FRMD4B: variants seen among roughly 807,000 people sequenced by gnomAD.
FRMD4B encodes FERM domain containing 4B, also known as FERM domain-containing protein 4B.
FRMD4B carries 74 observed loss-of-function variants against 141.5 expected under a neutral mutation model. The observed-to-expected ratio is 0.52, with a 90% confidence interval of 0.43 to 0.63. FRMD4B has a LOEUF of 0.63. Among genes scored for constraint, FRMD4B ranks in the 30% least tolerant of loss-of-function variants. FRMD4B has a pLI of 0.00. For synonymous variants in FRMD4B, 506 were observed against 467.9 expected (o/e 1.08, Z -1.05); for missense variants, 1,366 against 1,253.4 (o/e 1.09, Z -1.36).
At chr3:69,302,696 C>T (rs1443587504) in intron 3 of FRMD4B, among the ~76,000 whole-genome samples, 1 of 152,174 alleles carries the variant, frequency 6.6e-6, no homozygotes, top group Non-Finnish European at 1.5e-5. Flanking sequence ...TATGAAATCA[C>T]TCACTGTAGC....
chr3:69,499,814 T>C (rs1373334021), intron 1 of FRMD4B, among the ~76,000 whole-genome samples: 2 of 152,144 alleles, frequency 1.3e-5, no homozygotes, highest in African/African-American at 4.8e-5. Flanking sequence ...CAGCCAATGA[T>C]AGAGTGTGTT....
chr3:69,330,793 G>A (rs1026794661), intron 1 of FRMD4B, among the ~76,000 whole-genome samples: 5 of 152,108 alleles, frequency 3.3e-5, no homozygotes, highest in African/African-American at 9.7e-5. Flanking sequence ...CACCACGCCC[G>A]GCCTCTTTTG....
At chr3:69,179,215 C>T (rs1394501943) in intron 21 of FRMD4B, among the ~76,000 whole-genome samples, 3 of 152,216 alleles carry the variant, frequency 2.0e-5, no homozygotes, top group African/African-American at 7.2e-5. Flanking sequence ...AGGTCTGAAA[C>T]AGGAAGCTTT....
intron 1 of FRMD4B, among the ~76,000 whole-genome samples, chr3:69,338,408 T>C (rs2107363646): frequency 6.6e-6 from 1 of 152,004 alleles, no homozygotes; most frequent in East Asian, 1.9e-4. Flanking sequence ...TATATATATG[T>C]AACAAACCTG....
exon 2 of FRMD4B, chr3:69,432,690 G>T (rs1320788880): frequency 1.3e-5 from 2 of 152,038 alleles, no homozygotes; most frequent in African/African-American, 2.4e-5. Flanking sequence ...ATAATCTTCA[G>T]ATTTTGTTTG....
chr3:69,343,577 GT>G (rs66705405), intron 1 of FRMD4B, among the ~76,000 whole-genome samples: 22 of 126,506 alleles, frequency 1.7e-4, no homozygotes, highest in Middle Eastern at 4.1e-3. Flanking sequence ...ACAGTTTTTT[GT>G]TTTTTTTTTT....
At chr3:69,509,924 A>C (rs1706662315) in intron 1 of FRMD4B, among the ~76,000 whole-genome samples, 1 of 151,644 alleles carries the variant, frequency 6.6e-6, no homozygotes. Context: ...TTCCCAGTAC[A>C]TATAAAAGTT....
chr3:69,449,096 G>A (rs1705453477), intron 1 of FRMD4B, among the ~76,000 whole-genome samples: 1 of 152,070 alleles, frequency 6.6e-6, no homozygotes, highest in African/African-American at 2.4e-5. Context: ...ATATAACTCT[G>A]CTTAATTCAA....
chr3:69,274,572 G>A (rs1372569295), intron 5 of FRMD4B, among the ~76,000 whole-genome samples: 1 of 152,030 alleles, frequency 6.6e-6, no homozygotes, highest in Non-Finnish European at 1.5e-5. Flanking sequence ...AGGCTGGAGT[G>A]CAGTGGCACC....
chr3:69,341,774 G>C (rs1211903142), intron 1 of FRMD4B, among the ~76,000 whole-genome samples: 1 of 152,186 alleles, frequency 6.6e-6, no homozygotes, highest in African/African-American at 2.4e-5. Context: ...GCTTCATGCA[G>C]CATTTGGCAA....
At chr3:69,229,015 GTT>G (rs58912710) in intron 7 of FRMD4B, among the ~76,000 whole-genome samples, 2 of 120,974 alleles carry the variant, frequency 1.7e-5, no homozygotes, top group African/African-American at 6.0e-5. Context: ...TCAAAATCAT[GTT>G]TTTTTTTTTT....
chr3:69,481,498 G>C (rs1460885900), intron 1 of FRMD4B, among the ~76,000 whole-genome samples: 5 of 152,102 alleles, frequency 3.3e-5, no homozygotes, highest in Admixed American at 1.3e-4. Flanking sequence ...CAGTAAAAAA[G>C]GGAAATTTAG....
intron 22 of FRMD4B, 37 bp downstream of exon 22, chr3:69,176,487 A>G: frequency 6.4e-7 from 1 of 1,574,462 alleles, no homozygotes; most frequent in Non-Finnish European, 8.7e-7. Flanking sequence ...TTTGAACTGG[A>G]ACAGGCTCCT....
intron 1 of FRMD4B, among the ~76,000 whole-genome samples, chr3:69,441,476 G>C (rs1705341248): frequency 6.6e-6 from 1 of 152,146 alleles, no homozygotes; most frequent in Non-Finnish European, 1.5e-5. Flanking sequence ...CTGCCCACCA[G>C]AGAGTAGCCC....
At chr3:69,189,422 T>C (rs990120376) in intron 18 of FRMD4B, among the ~76,000 whole-genome samples, 1 of 152,130 alleles carries the variant, frequency 6.6e-6, no homozygotes, top group East Asian at 1.9e-4. Context: ...TTGTAAAACA[T>C]ACAATGATTT....
Position 69,187,860 on chromosome 3 carries a change from C to A in FRMD4B, c.1829G>T (p.Arg610Ile). Residue 610 changes from arginine to isoleucine, a missense_variant, in exon 19 of 23, where the codon AGA becomes ATA. Arg to Ile is a moderately conservative substitution (Grantham distance 97). Transcript: ENST00000398540. ...QRSSSVPHSP[R>I]ILPPKSLGIE... ...ACCAAGAGACTTGGGGGGAAGAATT[C>A]TTGGAGAATGAGGTACTGAACTTGA... 6.2e-7 allele frequency: 1 copy of A among 1,610,494 alleles called. No individual in the cohort carries two copies. Among genetic ancestry groups the A allele is most frequent in the Non-Finnish European group, 8.5e-7 (1 of 1,177,938 alleles).
chr3:69,335,243 G>C (rs1300032235), intron 1 of FRMD4B, among the ~76,000 whole-genome samples: 1 of 152,178 alleles, frequency 6.6e-6, no homozygotes, highest in Non-Finnish European at 1.5e-5. Context: ...AAATAGCAAT[G>C]ATGAGGATTC....
chr3:69,349,547 G>A (rs1703063357), intron 1 of FRMD4B, among the ~76,000 whole-genome samples: 1 of 152,128 alleles, frequency 6.6e-6, no homozygotes, highest in Non-Finnish European at 1.5e-5. Context: ...CGAAACTGGA[G>A]GCATCAAGCT....
chr3:69,196,459 T>G (rs2092905699), intron 13 of FRMD4B, 63 bp from the exon 14 acceptor site: 1 of 1,238,846 alleles, frequency 8.1e-7, no homozygotes. Flanking sequence ...ATGAAACAAT[T>G]AAGTTAACAT....
Sources: allele counts gnomAD v4.1 joint callset (sites outside exome capture counted in the v4.1 genomes callset), GRCh38; gene constraint gnomAD v4.1.1; transcripts MANE v1.5; gene names NCBI Gene and HGNC (gene_info 2026-07-23, HGNC 2026-07-21).